Variants in ZNF446 observed in about 807,000 individuals in gnomAD.
The protein encoded by ZNF446 is zinc finger protein 446, also known as zinc finger protein with KRAB and SCAN domains 20.
A neutral mutation model predicts 34.0 loss-of-function variants in ZNF446; 42 were observed. That is an observed-to-expected ratio of 1.23 (90% confidence interval 0.96 to 1.60). ZNF446 has a LOEUF of 1.60. ZNF446 is among the 40% of genes most tolerant of loss of function. The pLI, the probability that ZNF446 is intolerant of heterozygous loss-of-function variation, is 0.00. For synonymous variants in ZNF446, 315 were observed against 251.0 expected (o/e 1.25, Z -2.41); for missense variants, 650 against 600.2 (o/e 1.08, Z -0.87).
At chr19:58,478,301 T>C (rs1282818816) in intron 4 of ZNF446, 120 bp downstream of exon 4, 2 of 892,430 alleles carry the variant, frequency 2.2e-6, no homozygotes, top group Non-Finnish European at 3.4e-6. Flanking sequence ...TTCCCAGAAG[T>C]GGAGTCTGTA....
intron 4 of ZNF446, among the ~76,000 whole-genome samples, chr19:58,479,144 G>A (rs1018453248): frequency 6.6e-6 from 1 of 152,172 alleles, no homozygotes; most frequent in Admixed American, 6.5e-5. Context: ...ACAGCCCCAT[G>A]GCACAGTCAG....
At position 58,480,822 on chromosome 19, in the gene ZNF446, A is replaced by T; in HGVS notation, c.*96A>T. ...CAGAAGACTCTGGAGGCAGCAGGGG[A>T]TGCCAGAGTGAACAAGGGGTCCCAA... On this transcript the variant is annotated 3_prime_UTR_variant, in exon 7 of 7. Coordinates refer to ENST00000594369, the MANE Select transcript of ZNF446 (RefSeq NM_017908.4). The surrounding 1 kb of genome is among the most constrained non-coding windows in gnomAD (Gnocchi z 7.2). 1 of 1,431,978 alleles carries T rather than the reference A, an allele frequency of 7.0e-7. No homozygotes were observed. The highest frequency in any genetic ancestry group is 9.4e-7 in the Non-Finnish European group (1 of 1,063,064). 88.7% of individuals were successfully genotyped at this position (1,431,978 alleles called of 1,614,324 possible). A position where few individuals can be genotyped will look rare whatever the true frequency, so the allele number is the denominator to read the frequency against.
downstream of ZNF446, among the ~76,000 whole-genome samples, chr19:58,485,186 C>T (rs1042669759): frequency 5.9e-5 from 9 of 151,916 alleles, no homozygotes; most frequent in Middle Eastern, 3.2e-3. Context: ...AATAAAAACA[C>T]TGTTAAGTTA....
At chr19:58,486,520 G>C in the ZNF446 span, among the ~76,000 whole-genome samples, 2 of 151,940 alleles carry the variant, frequency 1.3e-5, no homozygotes, top group African/African-American at 4.8e-5. Flanking sequence ...CGATTCTCCT[G>C]CCTCAGCCTC....
At position 58,480,443 on chromosome 19, in the gene ZNF446, G is replaced by T. The variant is rs573855445; in HGVS notation, c.1070G>T (p.Gly357Val). Residue 357 changes from glycine (G) to valine (V), a missense_variant, in exon 7 of 7, where the codon GGG (glycine) becomes GTG (valine). Coordinates refer to ENST00000594369, the MANE Select transcript of ZNF446 (RefSeq NM_017908.4). The surrounding 1 kb of genome is among the most constrained non-coding windows in gnomAD (Gnocchi z 7.2). Reference protein sequence around the residue: ...FVIHHRTHTSGPGVQSPGLAT... With the variant: ...FVIHHRTHTSVPGVQSPGLAT... ...ATCCACCACCGGACACACACGAGTG[G>T]GCCAGGTGTGCAGTCCCCGGGGCTA... The T allele has an allele frequency of 8.1e-6, 13 of 1,612,802 alleles. No homozygotes were observed. The highest frequency in any genetic ancestry group is 1.1e-5 in the Non-Finnish European group (13 of 1,179,924).
rs762836677 is a variant in ZNF446 at position 58,477,238 on chromosome 19, C to A, written c.20C>A (p.Pro7His). 1.3e-6 allele frequency: 2 copies of A among 1,585,152 alleles called. No individual in the cohort carries two copies. The highest frequency in any genetic ancestry group is 8.6e-7 in the Non-Finnish European group (1 of 1,163,318). MPSPLG[P>H]PCLPVMDPET... is the part of the protein sequence containing the mutation. ...GCAAGAATGCCATCCCCTCTGGGTC[C>A]CCCATGCCTGCCCGTCATGGACCCA... The change falls in exon 2 of 7, where the codon CCC becomes CAC. Residue 7 changes from proline (P) to histidine (H), a missense_variant. By Grantham distance (77) the Pro-to-His change is moderately conservative. Coordinates refer to ENST00000594369, the MANE Select transcript of ZNF446 (RefSeq NM_017908.4).
rs964510679 is a variant in ZNF446 at position 58,477,407 on chromosome 19, G to A, written c.189G>A (p.Glu63=). 1.2e-6 allele frequency: 2 copies of A among 1,613,490 alleles called. No homozygotes were observed. Among genetic ancestry groups the A allele is most frequent in the Non-Finnish European group, 1.7e-6 (2 of 1,180,030 alleles). Residue 63 remains glutamate, a synonymous_variant, in exon 2 of 7, where the codon GAG becomes GAA. Coordinates refer to ENST00000594369, the MANE Select transcript of ZNF446 (RefSeq NM_017908.4). ...TGCAGCCTGAGGCACACTCCAAGGA[G>A]CAGATGCTGGAGATGCTGGTGCTGG... ...QWLQPEAHSK[E]QMLEMLVLEQ... is the part of the protein sequence containing the mutation.
the ZNF446 span, among the ~76,000 whole-genome samples, chr19:58,486,644 G>T: frequency 6.7e-6 from 1 of 150,084 alleles, no homozygotes; most frequent in Non-Finnish European, 1.5e-5. Flanking sequence ...CTGACCTCAG[G>T]TGATCCGCCC....
At position 58,480,026 on chromosome 19, in the gene ZNF446, G is replaced by A. The variant is rs375814080; in HGVS notation, c.802+7G>A. The A allele has an allele frequency of 5.0e-5, 79 of 1,577,346 alleles. No homozygotes were observed. In the Middle Eastern group the frequency reaches 5.4e-4, roughly 11 times the overall value. On this transcript the variant is annotated splice_region_variant and intron_variant, in intron 6 of 6. Transcript: ENST00000594369. This position sits in a 1 kb window ranked among gnomAD's most constrained non-coding sequence, Gnocchi z 7.2. ...TGCAGAAGCCTGCGCTCGGGTGAGT[G>A]CCCCACACCATCCAGCCTGAATCAC...
chr19:58,477,560 GGTGA>G lies in ZNF446; in HGVS notation c.342+4_342+7del, dbSNP rs2053099447. On this transcript the variant is annotated splice_donor_variant and splice_donor_region_variant and intron_variant, in intron 2 of 6. Transcript: ENST00000594369. LOFTEE classifies it high-confidence loss of function. ...ATGACCCTGGGCAACTGTTGGGCTG[GGTGA>G]GTGTGGCTGGCATCAGCTTCTTGGA... is the stretch of plus-strand genomic sequence containing the variant. 6.2e-7 allele frequency: 1 copy of G among 1,612,160 alleles called. No homozygotes were observed. Among genetic ancestry groups the G allele is most frequent in the Non-Finnish European group, 8.5e-7 (1 of 1,179,060 alleles).
Position 58,480,406 on chromosome 19 carries a change from T to G in ZNF446, c.1033T>G (p.Ser345Ala). 1 of 1,612,708 alleles carries G rather than the reference T, an allele frequency of 6.2e-7. No homozygotes were observed. Among genetic ancestry groups the G allele is most frequent in the African/African-American group, 1.3e-5 (1 of 74,956 alleles). The change falls in exon 7 of 7, where the codon TCA becomes GCA. Residue 345 changes from serine to alanine, a missense_variant. Physicochemically the swap from Ser to Ala is moderately conservative, Grantham distance 99. Coordinates refer to ENST00000594369, the MANE Select transcript of ZNF446 (RefSeq NM_017908.4). This position sits in a 1 kb window ranked among gnomAD's most constrained non-coding sequence, Gnocchi z 7.2. ...GTGTGGCCGCGGCTTCGACTGGAAG[T>G]CAGTGTTCGTCATCCACCACCGGAC... ...EQCGRGFDWK[S>A]VFVIHHRTHT... is the part of the protein sequence containing the mutation.
At position 58,476,412 on chromosome 19, in the gene ZNF446, C is replaced by T. The variant is rs1214313054; in HGVS notation, c.-133C>T. ...CCTGGCAAGTCCTCTTGGAACGCCT[C>T]CCTCTTGCCTTCCCCTTTTGGGGAC... On this transcript the variant is annotated 5_prime_UTR_variant, in exon 1 of 7. Transcript: ENST00000594369. The T allele has an allele frequency of 6.6e-6, 1 of 152,384 alleles. No homozygotes were observed. The highest frequency in any genetic ancestry group is 1.5e-5 in the Non-Finnish European group (1 of 68,156). The allele number at this position is 152,384 out of a possible 1,614,324, so 9.4% of individuals were successfully genotyped here.
chr19:58,480,525 C>T lies in ZNF446; in HGVS notation c.1152C>T (p.His384=). The change falls in exon 7 of 7, where the codon CAC becomes CAT. Residue 384 remains histidine, a synonymous_variant. Transcript: ENST00000594369. The surrounding 1 kb of genome is among the most constrained non-coding windows in gnomAD (Gnocchi z 7.2). ...PPQGEVAFPH[H]PRRSLTGPRS... ...AAGGGGAGGTGGCCTTTCCGCACCA[C>T]CCCCGACGCTCACTCACAGGCCCCC... 2.5e-6 allele frequency: 4 copies of T among 1,612,608 alleles called. No individual in the cohort carries two copies. The highest frequency in any genetic ancestry group is 3.4e-6 in the Non-Finnish European group (4 of 1,179,642).
Position 58,477,199 on chromosome 19 carries a change from G to T in ZNF446, c.-20G>T, listed in dbSNP as rs368709271. On this transcript the variant is annotated 5_prime_UTR_variant, in exon 2 of 7. Coordinates refer to ENST00000594369, the MANE Select transcript of ZNF446 (RefSeq NM_017908.4). ...TGTAGGCCCATCTTGACGATTCCAA[G>T]ACCACCCCCTTGAGCAAGAATGCCA... The T allele has an allele frequency of 3.9e-6, 6 of 1,528,620 alleles. No homozygotes were observed. Among genetic ancestry groups the T allele is most frequent in the South Asian group, 2.5e-5 (2 of 79,966 alleles). 94.7% of individuals were successfully genotyped at this position (1,528,620 alleles called of 1,614,324 possible).
At position 58,480,559 on chromosome 19, in the gene ZNF446, C is replaced by T. The variant is rs147201796; in HGVS notation, c.1186C>T (p.Pro396Ser). ...RRSLTGPRSYPCEECGCSFSW... is the reference protein window; with the variant it reads ...RRSLTGPRSYSCEECGCSFSW... ...CTCACTCACAGGCCCCCGGAGTTAC[C>T]CGTGTGAGGAGTGCGGGTGCAGCTT... is the stretch of plus-strand genomic sequence containing the variant. The change falls in exon 7 of 7, where the codon CCG becomes TCG. Residue 396 changes from proline to serine, a missense_variant. By Grantham distance (74) the Pro-to-Ser change is moderately conservative (BLOSUM62 -1). Coordinates refer to ENST00000594369, the MANE Select transcript of ZNF446 (RefSeq NM_017908.4). This position sits in a 1 kb window ranked among gnomAD's most constrained non-coding sequence, Gnocchi z 7.2. 1.4e-5 allele frequency: 22 copies of T among 1,612,988 alleles called. No homozygotes were observed. In the African/African-American group the frequency reaches 2.3e-4, roughly 17 times the overall value.
At chr19:58,488,579 C>A in the ZNF446 span, among the ~76,000 whole-genome samples, 1 of 148,522 alleles carries the variant, frequency 6.7e-6, no homozygotes, top group Non-Finnish European at 1.5e-5. Context: ...AGGCTGGGTG[C>A]GGTGGCTCAC....
At position 58,480,520 on chromosome 19, in the gene ZNF446, C is replaced by T. The variant is rs538203453; in HGVS notation, c.1147C>T (p.His383Tyr). 3 of 1,612,558 alleles carry T rather than the reference C, an allele frequency of 1.9e-6. No homozygotes were observed. Among genetic ancestry groups the T allele is most frequent in the Non-Finnish European group, 2.5e-6 (3 of 1,179,634 alleles). ...ACCACAAGGGGAGGTGGCCTTTCCGCACCACCCCCGACGCTCACTCACAGG... is the reference window on the plus strand; with the variant it reads ...ACCACAAGGGGAGGTGGCCTTTCCGTACCACCCCCGACGCTCACTCACAGG... ...KPPQGEVAFP[H>Y]HPRRSLTGPR... Residue 383 changes from histidine to tyrosine, a missense_variant, in exon 7 of 7, where the codon CAC (histidine) becomes TAC (tyrosine). His to Tyr is a moderately conservative substitution (Grantham distance 83, BLOSUM62 2). Transcript: ENST00000594369. The surrounding 1 kb of genome is among the most constrained non-coding windows in gnomAD (Gnocchi z 7.2).
rs1450068225 is a variant in ZNF446, at chr19:58,480,574, G to A, written c.1201G>A (p.Gly401Arg). Residue 401 changes from glycine to arginine, a missense_variant, in exon 7 of 7, where the codon GGG becomes AGG. Physicochemically the swap from Gly to Arg is moderately radical, Grantham distance 125. Coordinates refer to ENST00000594369, the MANE Select transcript of ZNF446 (RefSeq NM_017908.4). This position sits in a 1 kb window ranked among gnomAD's most constrained non-coding sequence, Gnocchi z 7.2. ...GPRSYPCEEC[G>R]CSFSWKSQLV... ...CCGGAGTTACCCGTGTGAGGAGTGC[G>A]GGTGCAGCTTCAGCTGGAAGTCGCA... The A allele has an allele frequency of 9.9e-6, 16 of 1,612,828 alleles. No individual in the cohort carries two copies. The highest frequency in any genetic ancestry group is 3.3e-5 in the Admixed American group (2 of 59,994).
At chr19:58,477,095 C>G (rs533828893) in intron 1 of ZNF446, 84 bp from the exon 2 acceptor site, 7 of 841,190 alleles carry the variant, frequency 8.3e-6, no homozygotes, top group African/African-American at 6.8e-5. Flanking sequence ...TGGTCCTGGT[C>G]TCAGCCCCCT....
Sources: gnomAD v4.1 joint callset for allele counts (sites outside exome capture counted in the v4.1 genomes callset) on GRCh38, gnomAD v4.1.1 for gene constraint, Gnocchi (gnomAD v3.1) non-coding constraint, MANE v1.5 for transcripts, NCBI Gene and HGNC (gene_info 2026-07-23, HGNC 2026-07-21) for gene names.